The following JAZF1 variants were observed in gnomAD, a reference collection of about 807,000 sequenced individuals.
JAZF1 encodes the protein juxtaposed with another zinc finger protein 1.
A neutral mutation model predicts 26.4 loss-of-function variants in JAZF1; 8 were observed. That is an observed-to-expected ratio of 0.30 (90% CI 0.18 to 0.55). JAZF1 has a LOEUF of 0.55. Among genes scored for constraint, JAZF1 ranks in the 20% least tolerant of loss-of-function variants. The pLI, the probability that JAZF1 is intolerant of heterozygous loss-of-function variation, is 0.94. For missense variants in JAZF1, 199 were observed against 322.0 expected, an observed-to-expected ratio of 0.62 and a Z score of 2.92; for synonymous variants, 126 against 122.3, an observed-to-expected ratio of 1.03 and a Z score of -0.20.
intron 3 of JAZF1, among the ~76,000 whole-genome samples, chr7:27,868,899 G>C: frequency 6.6e-6 from 1 of 152,108 alleles, no homozygotes; most frequent in South Asian, 2.1e-4. Context: ...TCTAGACCCT[G>C]GGCAGATTGG....
chr7:28,065,915 G>A (rs915351896), intron 1 of JAZF1, among the ~76,000 whole-genome samples: 2 of 152,152 alleles, frequency 1.3e-5, no homozygotes, highest in Non-Finnish European at 2.9e-5. Context: ...GGGATGTTGA[G>A]CTCCATGAAG....
chr7:27,968,932 T>G (rs1294635199), intron 2 of JAZF1, among the ~76,000 whole-genome samples: 1 of 152,068 alleles, frequency 6.6e-6, no homozygotes, highest in Non-Finnish European at 1.5e-5. Context: ...TGAAAAAAAA[T>G]CAATCAAGTT....
At chr7:27,960,627 G>A (rs2128357092) in intron 2 of JAZF1, among the ~76,000 whole-genome samples, 1 of 152,298 alleles carries the variant, frequency 6.6e-6, no homozygotes, top group East Asian at 1.9e-4. Context: ...AGGTTGCTGT[G>A]GTTGCCCTGA....
intron 3 of JAZF1, among the ~76,000 whole-genome samples, chr7:27,861,561 T>TC (rs1783380782): frequency 1.4e-5 from 2 of 146,314 alleles, no homozygotes; most frequent in Non-Finnish European, 3.0e-5. Flanking sequence ...CTTTTTTTTT[T>TC]CATGCACAAA....
At chr7:27,961,848 A>G (rs766224614) in intron 2 of JAZF1, among the ~76,000 whole-genome samples, 4 of 152,196 alleles carry the variant, frequency 2.6e-5, no homozygotes, top group Non-Finnish European at 5.9e-5. Flanking sequence ...CTAGGGATTC[A>G]TGATGCTCTC....
intron 1 of JAZF1, among the ~76,000 whole-genome samples, chr7:28,133,613 T>C (rs577732172): frequency 2.0e-5 from 3 of 152,306 alleles, no homozygotes; most frequent in East Asian, 1.9e-4. Context: ...TTGAGATAAA[T>C]GGTCTTTTGT....
intron 1 of JAZF1, among the ~76,000 whole-genome samples, chr7:28,075,901 T>C (rs907604686): frequency 3.3e-5 from 5 of 152,244 alleles, no homozygotes; most frequent in African/African-American, 1.2e-4. Flanking sequence ...AATGACATCA[T>C]AATGGGAGAG....
chr7:28,057,134 A>G (rs768221830), intron 1 of JAZF1, among the ~76,000 whole-genome samples: 2 of 152,216 alleles, frequency 1.3e-5, no homozygotes, highest in African/African-American at 2.4e-5. Flanking sequence ...TGCACATTAA[A>G]GAGGGTTTAC....
At chr7:28,055,102 T>G (rs566279688) in intron 1 of JAZF1, among the ~76,000 whole-genome samples, 1 of 152,170 alleles carries the variant, frequency 6.6e-6, no homozygotes, top group East Asian at 1.9e-4. Context: ...ATTTTAAAAG[T>G]TCCCAATATA....
intron 2 of JAZF1, among the ~76,000 whole-genome samples, chr7:27,973,603 GTGTA>G: frequency 6.6e-6 from 1 of 152,158 alleles, no homozygotes; most frequent in Non-Finnish European, 1.5e-5. Flanking sequence ...CCGGTAGGGG[GTGTA>G]TGATTTTGAA....
At chr7:28,033,351 T>C (rs1276966835) in intron 1 of JAZF1, among the ~76,000 whole-genome samples, 1 of 152,112 alleles carries the variant, frequency 6.6e-6, no homozygotes, top group Non-Finnish European at 1.5e-5. Context: ...CAGAGGACAA[T>C]GGCACGAGGG....
At chr7:27,946,627 G>A (rs1441310954) in intron 2 of JAZF1, among the ~76,000 whole-genome samples, 5 of 152,240 alleles carry the variant, frequency 3.3e-5, no homozygotes, top group Non-Finnish European at 7.3e-5. Flanking sequence ...ACTGTCAGAT[G>A]TTGGGGTAGG....
chr7:27,947,536 G>A (rs73299490), intron 2 of JAZF1, among the ~76,000 whole-genome samples: 14,018 of 152,204 alleles, frequency 0.092, 1,405 homozygotes, highest in East Asian at 0.28. Flanking sequence ...CTTTCATGCA[G>A]CATTTACTTC....
intron 3 of JAZF1, among the ~76,000 whole-genome samples, chr7:27,845,614 T>C (rs753212560): frequency 2.0e-5 from 3 of 149,432 alleles, no homozygotes; most frequent in East Asian, 2.0e-4. Flanking sequence ...GGAGAATCGC[T>C]TGAACCCGGG....
At chr7:28,013,166 C>T (rs1443759968) in intron 1 of JAZF1, among the ~76,000 whole-genome samples, 1 of 152,160 alleles carries the variant, frequency 6.6e-6, no homozygotes, top group East Asian at 1.9e-4. Flanking sequence ...GAGTGCACCC[C>T]CGGTGACTCT....
chr7:28,156,006 T>G (rs1783179315), intron 1 of JAZF1, among the ~76,000 whole-genome samples: 1 of 152,252 alleles, frequency 6.6e-6, no homozygotes, highest in Admixed American at 6.5e-5. Flanking sequence ...GTAGCTGGTA[T>G]GTACATATAC....
At chr7:28,083,242 C>T (rs1327234684) in intron 1 of JAZF1, among the ~76,000 whole-genome samples, 2 of 152,138 alleles carry the variant, frequency 1.3e-5, no homozygotes, top group African/African-American at 2.4e-5. Flanking sequence ...GTTCCTGTAA[C>T]GTCTCAGTAT....
intron 1 of JAZF1, among the ~76,000 whole-genome samples, chr7:28,030,622 C>T (rs1405187251): frequency 1.3e-5 from 2 of 152,094 alleles, no homozygotes; most frequent in Non-Finnish European, 2.9e-5. Flanking sequence ...CAGATTGAGA[C>T]TTGTACCACT....
chr7:28,139,081 T>A (rs1782926489), intron 1 of JAZF1, among the ~76,000 whole-genome samples: 1 of 152,174 alleles, frequency 6.6e-6, no homozygotes, highest in Non-Finnish European at 1.5e-5. Context: ...TGCTTCACCA[T>A]CAGAGACAAA....
Sources: allele counts gnomAD v4.1 joint callset (sites outside exome capture counted in the v4.1 genomes callset), GRCh38; gene constraint gnomAD v4.1.1; transcripts MANE v1.5; gene names NCBI Gene and HGNC (gene_info 2026-07-23, HGNC 2026-07-21).